LRP2: variants seen among roughly 807,000 people sequenced by gnomAD.
LRP2 encodes the protein LDL receptor related protein 2, also known as low-density lipoprotein receptor-related protein 2.
A neutral mutation model predicts 531.0 loss-of-function variants in LRP2; 172 were observed. The observed-to-expected ratio is 0.32, with a 90% CI of 0.29 to 0.37. The LOEUF is 0.37. LRP2 is among the 10% of genes least tolerant of loss of function. The pLI is 1.00. For synonymous variants in LRP2, 1,992 were observed against 2,027.6 expected (o/e 0.98, Z 0.47); for missense variants, 5,167 against 5,868.3 (o/e 0.88, Z 3.90).
intron 34 of LRP2, among the ~76,000 whole-genome samples, 162 bp from the exon 35 acceptor site, chr2:169,216,592 C>A (rs1258954082): frequency 6.6e-6 from 1 of 152,128 alleles, no homozygotes; most frequent in Non-Finnish European, 1.5e-5. Context: ...GGGTACTTCA[C>A]CAGTGTTCTA....
Position 169,198,915 on chromosome 2 carries a change from G to A in LRP2, c.8453-4C>T, listed in dbSNP as rs767122375. On this transcript the variant is annotated splice_polypyrimidine_tract_variant and splice_region_variant and intron_variant, in intron 44 of 78. Transcript: ENST00000649046. Reference sequence around the variant, plus strand: ...CCAGACTGGCAAGTGCGATCAGCTTGAAAAAGACAACCAGATAAATATTAG... The same window carrying A: ...CCAGACTGGCAAGTGCGATCAGCTTAAAAAAGACAACCAGATAAATATTAG... 2 of 1,612,558 alleles carry A rather than the reference G, an allele frequency of 1.2e-6. No individual in the cohort carries two copies. Among genetic ancestry groups the A allele is most frequent in the African/African-American group, 1.3e-5 (1 of 74,874 alleles).
intron 16 of LRP2, among the ~76,000 whole-genome samples, chr2:169,260,746 A>C (rs888709761): frequency 1.3e-5 from 2 of 152,070 alleles, no homozygotes; most frequent in Non-Finnish European, 2.9e-5. Flanking sequence ...TAGTTGCTAC[A>C]TAGATAGTAA....
chr2:169,170,699 G>A, intron 58 of LRP2, 32 bp from the exon 59 acceptor site: 2 of 1,448,400 alleles, frequency 1.4e-6, no homozygotes, highest in South Asian at 1.1e-5. Context: ...CCATGAGTGT[G>A]CACCAGGAAT....
At chr2:169,294,050 G>T in intron 6 of LRP2, 98 bp downstream of exon 6, 1 of 819,128 alleles carries the variant, frequency 1.2e-6, no homozygotes, top group East Asian at 2.5e-5. Flanking sequence ...TGAAAAAAGA[G>T]GTACATTGGT....
chr2:169,346,471 T>A (rs916860441), intron 1 of LRP2, among the ~76,000 whole-genome samples: 12 of 152,340 alleles, frequency 7.9e-5, no homozygotes, highest in African/African-American at 2.9e-4. Context: ...ACCAATCATT[T>A]GACAATTGAC....
At chr2:169,180,124 T>C (rs1371866101) in intron 52 of LRP2, among the ~76,000 whole-genome samples, 1 of 152,236 alleles carries the variant, frequency 6.6e-6, no homozygotes, top group East Asian at 1.9e-4. Context: ...TGACACCTAC[T>C]AAGCTTTCAA....
Position 169,182,061 on chromosome 2 carries a change from C to T in LRP2, c.9998+106G>A, listed in dbSNP as rs17848180. 215,496 of 1,449,918 alleles carry T rather than the reference C, an allele frequency of 0.15. 18,614 individuals are homozygous for T. The highest frequency in any genetic ancestry group is 0.37 in the East Asian group (16,399 of 43,928). The allele number at this position is 1,449,918 out of a possible 1,614,324, so 89.8% of individuals were successfully genotyped here. A position where few individuals can be genotyped will look rare whatever the true frequency, so the allele number is the denominator to read the frequency against. On this transcript the variant is annotated intron_variant, in intron 51 of 78. Coordinates refer to ENST00000649046, the MANE Select transcript of LRP2 (RefSeq NM_004525.3). ...CCAAGTAGGAAAAGCAGAAGACAAA[C>T]CCCAGCAAGACATTGGCCTTGAGAT...
chr2:169,283,669 A>G (rs1286659091), intron 9 of LRP2, among the ~76,000 whole-genome samples: 1 of 152,180 alleles, frequency 6.6e-6, no homozygotes, highest in East Asian at 1.9e-4. Context: ...AAAAATTATA[A>G]CCAAAATTAA....
intron 1 of LRP2, among the ~76,000 whole-genome samples, chr2:169,348,941 G>C (rs1232248009): frequency 6.6e-6 from 1 of 152,128 alleles, no homozygotes; most frequent in Non-Finnish European, 1.5e-5. Context: ...GGGCCTCGAG[G>C]AATTAAGGGC....
At chr2:169,301,836 A>G (rs1684292606) in intron 4 of LRP2, among the ~76,000 whole-genome samples, 1 of 152,028 alleles carries the variant, frequency 6.6e-6, no homozygotes, top group Non-Finnish European at 1.5e-5. Context: ...TTGATTTTAG[A>G]AGCTTGAAAG....
chr2:169,202,808 A>G lies in LRP2; in HGVS notation c.8157T>C (p.Cys2719=). ...CATCCCCACAGTCGTTGTCATTATC[A>G]CACTTCCACTCTTCCGAGATGCAGC... ...NGRCISEEWK[C]DNDNDCGDGS... Residue 2719 remains cysteine (C), a synonymous_variant, in exon 43 of 79, where the codon TGT becomes TGC. Transcript: ENST00000649046. 6.2e-7 allele frequency: 1 copy of G among 1,614,064 alleles called. No individual in the cohort carries two copies. The highest frequency in any genetic ancestry group is 8.5e-7 in the Non-Finnish European group (1 of 1,180,020).
chr2:169,144,318 G>A (rs1685828248), intron 70 of LRP2, among the ~76,000 whole-genome samples: 1 of 152,204 alleles, frequency 6.6e-6, no homozygotes, highest in South Asian at 2.1e-4. Context: ...TCTGAGGCAT[G>A]CTCAACTTTC....
At position 169,152,845 on chromosome 2, in the gene LRP2, T is replaced by G; in HGVS notation, c.12415A>C (p.Lys4139Gln). ...NLVQEVDLKL[K>Q]YVMQPDGIAV... ...ATTCCATCTGGCTGCATTACGTATT[T>G]CAGTTTCAGGTCAACTTCCTGCACA... Residue 4139 changes from lysine (K) to glutamine (Q), a missense_variant, in exon 67 of 79, where the codon AAA (lysine) becomes CAA (glutamine). Transcript: ENST00000649046. The G allele has an allele frequency of 2.5e-6, 4 of 1,614,110 alleles. No individual in the cohort carries two copies. Among genetic ancestry groups the G allele is most frequent in the Non-Finnish European group, 3.4e-6 (4 of 1,179,960 alleles).
At chr2:169,226,791 C>A (rs1219898979) in intron 31 of LRP2, among the ~76,000 whole-genome samples, 1 of 152,134 alleles carries the variant, frequency 6.6e-6, no homozygotes, top group Non-Finnish European at 1.5e-5. Flanking sequence ...ACCTCCAACC[C>A]CACATACAAC....
chr2:169,236,116 T>G, intron 28 of LRP2, 48 bp from the exon 29 acceptor site: 2 of 1,285,738 alleles, frequency 1.6e-6, no homozygotes, highest in East Asian at 2.5e-5. Context: ...ATTTAAATAT[T>G]AAAAATAACT....
At chr2:169,329,366 A>G (rs767863376) in intron 1 of LRP2, among the ~76,000 whole-genome samples, 24 of 152,180 alleles carry the variant, frequency 1.6e-4, no homozygotes, top group Non-Finnish European at 1.0e-4. Context: ...AACATGGTGA[A>G]ACCTGTCTCT....
At chr2:169,157,261 T>G in intron 64 of LRP2, 110 bp downstream of exon 64, 7 of 1,154,414 alleles carry the variant, frequency 6.1e-6, no homozygotes, top group Non-Finnish European at 8.7e-6. Flanking sequence ...AAACCATGAG[T>G]ATGGTACCAT....
intron 46 of LRP2, among the ~76,000 whole-genome samples, chr2:169,196,169 G>A (rs1185174163): frequency 6.6e-6 from 1 of 152,176 alleles, no homozygotes; most frequent in East Asian, 1.9e-4. Flanking sequence ...TACAGGACGT[G>A]GCCATAGTAG....
intron 65 of LRP2, 22 bp from the exon 66 acceptor site, chr2:169,154,625 C>T: frequency 6.2e-7 from 1 of 1,611,850 alleles, no homozygotes; most frequent in Non-Finnish European, 8.5e-7. Flanking sequence ...CAAAGGGCTA[C>T]TTTATCTGTT....
Sources: gnomAD v4.1 joint callset for allele counts (sites outside exome capture counted in the v4.1 genomes callset) on GRCh38, gnomAD v4.1.1 for gene constraint, MANE v1.5 for transcripts, NCBI Gene and HGNC (gene_info 2026-07-23, HGNC 2026-07-21) for gene names.